The following MAGI1 variants were observed in gnomAD, a reference collection of about 807,000 sequenced individuals.
MAGI1 encodes membrane associated guanylate kinase, WW and PDZ domain containing 1.
A neutral mutation model predicts 139.9 loss-of-function variants in MAGI1; 58 were observed. The observed-to-expected ratio is 0.41, with a 90% confidence interval of 0.34 to 0.52. MAGI1 has a LOEUF of 0.52. Ranked by LOEUF, MAGI1 falls within the 20% of genes least tolerant of loss-of-function variation. The pLI, the probability that MAGI1 is intolerant of heterozygous loss-of-function variation, is 0.12. For missense variants in MAGI1, 1,874 were observed against 1,901.6 expected, an observed-to-expected ratio of 0.99 and a Z score of 0.27; for synonymous variants, 812 against 737.9, an observed-to-expected ratio of 1.10 and a Z score of -1.63.
chr3:65,985,378 A>G (rs2065827061), intron 1 of MAGI1, among the ~76,000 whole-genome samples: 1 of 152,188 alleles, frequency 6.6e-6, no homozygotes, highest in Non-Finnish European at 1.5e-5. Context: ...CATTTTGGTC[A>G]TATGCAGAAA....
Position 65,429,820 on chromosome 3 carries a change from C to A in MAGI1, c.1867G>T (p.Gly623Cys), listed in dbSNP as rs773984298. Residue 623 changes from glycine (G) to cysteine (C), a missense_variant, in exon 12 of 23, where the codon GGT becomes TGT. By Grantham distance (159) the Gly-to-Cys change is radical. Transcript: ENST00000402939. ...PADVASNSSHGYPNDTVSLAS... is the reference protein window; with the variant it reads ...PADVASNSSHCYPNDTVSLAS... ...AAAGAAACAGTGTCATTAGGATAAC[C>A]ATGAGAACTATTTGAAGCCACGTCC... The A allele has an allele frequency of 6.2e-7, 1 of 1,613,964 alleles. No homozygotes were observed. The highest frequency in any genetic ancestry group is 8.5e-7 in the Non-Finnish European group (1 of 1,179,958).
chr3:65,737,431 A>G (rs1330327364), intron 1 of MAGI1, among the ~76,000 whole-genome samples: 2 of 152,264 alleles, frequency 1.3e-5, no homozygotes, highest in Non-Finnish European at 2.9e-5. Flanking sequence ...CCAGTAAAGA[A>G]CAAGTCAATG....
chr3:65,456,944 C>A (rs1047562138), intron 5 of MAGI1, among the ~76,000 whole-genome samples: 9 of 152,126 alleles, frequency 5.9e-5, no homozygotes, highest in African/African-American at 2.2e-4. Context: ...AATAAAGTCA[C>A]AATATGTAAA....
rs77886373 is a variant in MAGI1 at position 66,035,275 on chromosome 3, T to C, written c.313+2721A>G. Among the ~76,000 whole-genome samples the C allele has an allele frequency of 1.3e-3, 190 of 151,672 alleles. 7 individuals are homozygous for C. In the East Asian group the frequency reaches 0.03, roughly 24 times the overall value. Reference sequence around the variant, plus strand: ...CATGTATCTTTCCAGAGAACTGCCATGAAGTAGAAAAACAGAATTTTCTCC... The same window carrying C: ...CATGTATCTTTCCAGAGAACTGCCACGAAGTAGAAAAACAGAATTTTCTCC... On this transcript the variant is annotated intron_variant, in intron 1 of 22. Coordinates refer to ENST00000402939, the MANE Select transcript of MAGI1 (RefSeq NM_001033057.2).
At chr3:65,634,266 C>T (rs955098260) in intron 1 of MAGI1, among the ~76,000 whole-genome samples, 1 of 152,070 alleles carries the variant, frequency 6.6e-6, no homozygotes, top group African/African-American at 2.4e-5. Context: ...CCAGGAAGCA[C>T]CAGTATAGAA....
At chr3:65,938,378 CTT>C (rs1444003760) in intron 1 of MAGI1, among the ~76,000 whole-genome samples, 6 of 148,280 alleles carry the variant, frequency 4.0e-5, no homozygotes, top group African/African-American at 9.8e-5. Flanking sequence ...AATATATTAA[CTT>C]AATATAAATA....
At chr3:65,976,237 C>A (rs1406709718) in intron 1 of MAGI1, among the ~76,000 whole-genome samples, 1 of 152,168 alleles carries the variant, frequency 6.6e-6, no homozygotes, top group South Asian at 2.1e-4. Context: ...CAAACCATCA[C>A]CAATACCTTA....
At chr3:66,028,541 C>T (rs2068420860) in intron 1 of MAGI1, among the ~76,000 whole-genome samples, 1 of 152,094 alleles carries the variant, frequency 6.6e-6, no homozygotes, top group Admixed American at 6.5e-5. Flanking sequence ...CCCAGCCATT[C>T]CTGATGTAGG....
At chr3:65,847,771 C>G (rs2059056518) in intron 1 of MAGI1, among the ~76,000 whole-genome samples, 1 of 152,094 alleles carries the variant, frequency 6.6e-6, no homozygotes, top group African/African-American at 2.4e-5. Context: ...TGATGAAATT[C>G]CACTGGGTAC....
chr3:65,984,549 T>TGTGTGTGTGTGTGTGTGA (rs1365094861), intron 1 of MAGI1, among the ~76,000 whole-genome samples: 1 of 143,362 alleles, frequency 7.0e-6, no homozygotes, highest in Admixed American at 7.3e-5. Flanking sequence ...TGTGTGTGTG[T>TGTGTGTGTGTGTGTGTGA]GACAGGGTCT....
intron 2 of MAGI1, among the ~76,000 whole-genome samples, chr3:65,596,965 G>C (rs1277590208): frequency 6.6e-6 from 1 of 152,156 alleles, no homozygotes; most frequent in Non-Finnish European, 1.5e-5. Context: ...ACGGACAGAG[G>C]AGAATCGCAG....
In MAGI1 at chr3:65,921,919, G is replaced by GACACACACACAC. The variant is rs35532734; in HGVS notation, c.313+116065_313+116076dup. On this transcript the variant is annotated intron_variant, in intron 1 of 22. Coordinates refer to ENST00000402939, the MANE Select transcript of MAGI1 (RefSeq NM_001033057.2). Reference sequence around the variant, plus strand: ...AGACCCTATCTCCAACCACACACACGACACACACACACACACACACACACA... The same window carrying GACACACACACAC: ...AGACCCTATCTCCAACCACACACACGACACACACACACACACACACACACACACACACACACA... Among the ~76,000 whole-genome samples the GACACACACACAC allele has an allele frequency of 2.5e-3, 346 of 140,824 alleles. 3 individuals are homozygous for GACACACACACAC. Among genetic ancestry groups the GACACACACACAC allele is most frequent in the African/African-American group, 8.6e-3 (326 of 37,752 alleles). The allele number at this position is 140,824 out of a possible 152,430, so 92.4% of individuals were successfully genotyped here.
chr3:65,504,539 AAAG>A, intron 2 of MAGI1, among the ~76,000 whole-genome samples: 1 of 152,322 alleles, frequency 6.6e-6, no homozygotes, highest in Middle Eastern at 3.4e-3. Flanking sequence ...TTCTGTACAC[AAAG>A]AAGACATTGG....
At chr3:65,379,165 T>C in intron 17 of MAGI1, 96 bp downstream of exon 17, 1 of 1,585,816 alleles carries the variant, frequency 6.3e-7, no homozygotes, top group Non-Finnish European at 8.6e-7. Flanking sequence ...ATAAAGCATT[T>C]CTGCACGTGA....
intron 1 of MAGI1, among the ~76,000 whole-genome samples, chr3:65,977,223 C>T (rs994446169): frequency 6.6e-6 from 1 of 152,144 alleles, no homozygotes; most frequent in African/African-American, 2.4e-5. Context: ...CACCACCATC[C>T]CGCAGTGGCA....
At chr3:65,769,711 T>A (rs1199289072) in intron 1 of MAGI1, among the ~76,000 whole-genome samples, 2 of 152,148 alleles carry the variant, frequency 1.3e-5, no homozygotes, top group East Asian at 1.9e-4. Context: ...ATAACACGTG[T>A]CTCTGGACAC....
At chr3:65,562,613 T>C (rs2080413325) in intron 2 of MAGI1, among the ~76,000 whole-genome samples, 1 of 152,186 alleles carries the variant, frequency 6.6e-6, no homozygotes, top group African/African-American at 2.4e-5. Context: ...CTCAGCCTTC[T>C]GGGGAGGTGG....
chr3:65,364,780 A>G (rs944710452), intron 19 of MAGI1, 55 bp from the exon 20 acceptor site: 1 of 1,607,286 alleles, frequency 6.2e-7, no homozygotes, highest in Non-Finnish European at 8.5e-7. Context: ...ACTGAGAAAG[A>G]ATCAAGGACA....
intron 1 of MAGI1, among the ~76,000 whole-genome samples, chr3:65,808,010 C>CT (rs138703685): frequency 9.5e-4 from 137 of 143,484 alleles, no homozygotes; most frequent in East Asian, 2.1e-3. Flanking sequence ...GAGGTCAGGA[C>CT]TTTTTTTTTT....
Sources: gnomAD v4.1 joint callset for allele counts (sites outside exome capture counted in the v4.1 genomes callset) on GRCh38, gnomAD v4.1.1 for gene constraint, MANE v1.5 for transcripts, NCBI Gene and HGNC (gene_info 2026-07-23, HGNC 2026-07-21) for gene names.